EYS: variants seen among roughly 807,000 people sequenced by gnomAD.
The protein encoded by EYS is protein eyes shut homolog.
Under a neutral mutation model 282.1 loss-of-function variants are expected in EYS, and 250 were observed. The observed-to-expected ratio is 0.89, with a 90% CI of 0.80 to 0.98. The LOEUF (loss-of-function observed/expected upper bound fraction) is 0.98. Among genes scored for constraint, EYS ranks in the 50% least tolerant of loss-of-function variants. The pLI is 0.00. For missense variants in EYS, 4,016 were observed against 3,709.0 expected (o/e 1.08, Z -2.15); for synonymous variants, 1,355 against 1,282.9 (o/e 1.06, Z -1.20).
chr6:63,995,746 G>A (rs1767805757), intron 34 of EYS, among the ~76,000 whole-genome samples: 1 of 151,956 alleles, frequency 6.6e-6, no homozygotes, highest in African/African-American at 2.4e-5. Flanking sequence ...ATCTAAAAAT[G>A]TTGAACTCAT....
intron 30 of EYS, among the ~76,000 whole-genome samples, chr6:64,305,055 T>C (rs575279558): frequency 6.6e-6 from 1 of 152,264 alleles, no homozygotes; most frequent in East Asian, 1.9e-4. Context: ...AATTGACAAA[T>C]CTTTAGTTAG....
chr6:64,495,592 T>C (rs1320991278), intron 26 of EYS, among the ~76,000 whole-genome samples: 4 of 151,880 alleles, frequency 2.6e-5, no homozygotes, highest in African/African-American at 4.8e-5. Flanking sequence ...TCAGCATTCC[T>C]TTCTTACTTT....
chr6:65,011,139 A>T (rs768360735), intron 13 of EYS, among the ~76,000 whole-genome samples: 1 of 152,212 alleles, frequency 6.6e-6, no homozygotes, highest in African/African-American at 2.4e-5. Context: ...CTAGCCACTG[A>T]AGAAGGAGAA....
intron 12 of EYS, among the ~76,000 whole-genome samples, chr6:65,187,249 T>G (rs1765536901): frequency 6.6e-6 from 1 of 151,774 alleles, no homozygotes; most frequent in African/African-American, 2.4e-5. Context: ...GAGTAAATTT[T>G]AAGACCTTCA....
intron 2 of EYS, among the ~76,000 whole-genome samples, chr6:65,624,816 G>A (rs1270939812): frequency 6.6e-6 from 1 of 152,144 alleles, no homozygotes; most frequent in Non-Finnish European, 1.5e-5. Flanking sequence ...TGGGCCTTTG[G>A]CCAGAGACTA....
At chr6:63,854,566 C>A (rs538568895) in intron 36 of EYS, among the ~76,000 whole-genome samples, 81 of 152,214 alleles carry the variant, frequency 5.3e-4, no homozygotes, top group African/African-American at 1.9e-3. Flanking sequence ...CACATGTATA[C>A]CTATGTAACA....
At chr6:64,719,446 A>G (rs1214460818) in intron 22 of EYS, among the ~76,000 whole-genome samples, 2 of 152,186 alleles carry the variant, frequency 1.3e-5, no homozygotes, top group Non-Finnish European at 2.9e-5. Flanking sequence ...ATCATTTTAA[A>G]CTAAAAATGT....
chr6:64,388,770 T>A lies in EYS; in HGVS notation c.5998A>T (p.Asn2000Tyr). 6.5e-7 allele frequency: 1 copy of A among 1,545,250 alleles called. No homozygotes were observed. Among genetic ancestry groups the A allele is most frequent in the Non-Finnish European group, 8.7e-7 (1 of 1,143,800 alleles). Residue 2000 changes from asparagine (N) to tyrosine (Y), a missense_variant, in exon 29 of 43, where the codon AAT becomes TAT. By Grantham distance (143) the Asn-to-Tyr change is moderately radical. Coordinates refer to ENST00000503581, the MANE Select transcript of EYS (RefSeq NM_001142800.2). ...GGCAGGGGTTTTCCGAGTACATGAT[T>A]GATAGATTCGCATATTTGTGTATTC... ...GRNTQICESI[N>Y]HVLGKPLPKS... is the part of the protein sequence containing the mutation.
intron 5 of EYS, among the ~76,000 whole-genome samples, chr6:65,406,574 ATTTGAG>A (rs1766748129): frequency 1.3e-5 from 2 of 152,088 alleles, no homozygotes; most frequent in Admixed American, 1.3e-4. Flanking sequence ...TTCCTAATCC[ATTTGAG>A]TTTATTTTTT....
At chr6:65,206,011 G>T (rs895457929) in intron 12 of EYS, among the ~76,000 whole-genome samples, 1 of 151,638 alleles carries the variant, frequency 6.6e-6, no homozygotes, top group African/African-American at 2.4e-5. Context: ...GTCAAAGCTC[G>T]CAGAAGAAAA....
At chr6:65,004,521 G>A (rs936985498) in intron 13 of EYS, among the ~76,000 whole-genome samples, 10 of 147,678 alleles carry the variant, frequency 6.8e-5, no homozygotes, top group South Asian at 2.2e-4. Context: ...ATCTCACAGC[G>A]TGGACCTGAA....
At chr6:65,163,684 A>G (rs9453211) in intron 12 of EYS, among the ~76,000 whole-genome samples, 20,852 of 151,286 alleles carry the variant, frequency 0.14, 2,065 homozygotes, top group African/African-American at 0.28. Flanking sequence ...CTTTTATATT[A>G]TCCATGAATT....
At chr6:64,214,919 G>A (rs1765886291) in intron 31 of EYS, among the ~76,000 whole-genome samples, 2 of 151,898 alleles carry the variant, frequency 1.3e-5, no homozygotes, top group South Asian at 4.1e-4. Flanking sequence ...GTAAAATTAT[G>A]CAAATCTGAT....
chr6:64,360,419 G>A (rs992890151), intron 29 of EYS, among the ~76,000 whole-genome samples: 2 of 151,648 alleles, frequency 1.3e-5, no homozygotes, highest in Non-Finnish European at 3.0e-5. Context: ...GAAGTTACTC[G>A]GCCTTCTTGT....
At chr6:64,873,879 C>T (rs1483216973) in intron 19 of EYS, among the ~76,000 whole-genome samples, 2 of 151,936 alleles carry the variant, frequency 1.3e-5, no homozygotes, top group Admixed American at 1.3e-4. Context: ...AAATGTGGCA[C>T]ATTTTTTTCT....
Position 65,296,018 on chromosome 6 carries a change from AG to A in EYS, c.1867del (p.Leu623PhefsTer20). Reference protein sequence around the residue: ...SISVHGLCLALSHNCNCSGLQ... With the variant: ...SISVHGLCLAXSHNCNCSGLQ... ...ACCGCTACAGTTACAATTGTGCGAA[AG>A]GGCCAGGCAGAGGCCATGCACTGAT... is the stretch of plus-strand genomic sequence containing the variant. On this transcript the variant is annotated frameshift_variant, in exon 12 of 43. Transcript: ENST00000503581. LOFTEE classifies it high-confidence loss of function. 1 of 1,551,220 alleles carries A rather than the reference AG, an allele frequency of 6.4e-7. No homozygotes were observed. The highest frequency in any genetic ancestry group is 8.7e-7 in the Non-Finnish European group (1 of 1,146,524).
chr6:63,850,142 G>T (rs1419272493), intron 36 of EYS, among the ~76,000 whole-genome samples: 1 of 151,998 alleles, frequency 6.6e-6, no homozygotes, highest in African/African-American at 2.4e-5. Context: ...GAATGAAAAG[G>T]AACAAACAGA....
At position 65,463,569 on chromosome 6, in the gene EYS, A is replaced by G. The variant is rs1048177722; in HGVS notation, c.862+27025T>C. On this transcript the variant is annotated intron_variant, in intron 5 of 42. Coordinates refer to ENST00000503581, the MANE Select transcript of EYS (RefSeq NM_001142800.2). ...ATACATATTTGTTCAATGCCAGAGA[A>G]TAATTTATAAACTAATTTGTGCAAG... Among the ~76,000 whole-genome samples the G allele has an allele frequency of 3.9e-5, 6 of 152,350 alleles. No homozygotes were observed. The East Asian group carries it at 1.2e-3, about 29-fold the overall frequency.
At chr6:65,087,081 A>G (rs1389864305) in intron 12 of EYS, among the ~76,000 whole-genome samples, 2 of 152,098 alleles carry the variant, frequency 1.3e-5, no homozygotes, top group Non-Finnish European at 2.9e-5. Flanking sequence ...TTGGCCTCCC[A>G]AAGTGCTGGG....
Sources: allele counts gnomAD v4.1 joint callset (sites outside exome capture counted in the v4.1 genomes callset), GRCh38; gene constraint gnomAD v4.1.1; transcripts MANE v1.5; gene names NCBI Gene and HGNC (gene_info 2026-07-23, HGNC 2026-07-21).